Variants in THSD7A observed in about 807,000 individuals in gnomAD.
The protein encoded by THSD7A is thrombospondin type-1 domain-containing protein 7A.
THSD7A carries 96 observed loss-of-function variants against 231.3 expected under a neutral mutation model. The observed-to-expected ratio is 0.41, with a 90% CI of 0.35 to 0.49. The LOEUF (loss-of-function observed/expected upper bound fraction) is 0.49, where lower values mean the gene tolerates loss of function less well. Ranked by LOEUF, THSD7A falls within the 20% of genes least tolerant of loss-of-function variation. THSD7A has a pLI of 0.05. For missense variants in THSD7A, 2,290 were observed against 2,070.2 expected (o/e 1.11, Z -2.06); for synonymous variants, 940 against 743.3 (o/e 1.26, Z -4.30).
At chr7:11,476,167 T>A (rs758187995) in intron 7 of THSD7A, among the ~76,000 whole-genome samples, 117 of 152,114 alleles carry the variant, frequency 7.7e-4, no homozygotes, top group Non-Finnish European at 2.8e-4. Context: ...GGCTTAAGTA[T>A]TAAAATGTTG....
chr7:11,828,382 T>C lies in THSD7A; in HGVS notation c.190+3375A>G, dbSNP rs1392757525. On this transcript the variant is annotated intron_variant, in intron 1 of 27. Transcript: ENST00000423059. ...CTGCTTAGAATGGCCTTCTACTCCTTCCTCAGTCAAAATCCACCTCATCCT... is the reference window on the plus strand; with the variant it reads ...CTGCTTAGAATGGCCTTCTACTCCTCCCTCAGTCAAAATCCACCTCATCCT... Among the ~76,000 whole-genome samples the C allele has an allele frequency of 6.6e-5, 10 of 152,268 alleles. No homozygotes were observed. In the South Asian group the frequency reaches 1.7e-3, roughly 25 times the overall value.
At chr7:11,676,022 T>A (rs1783623778) in intron 1 of THSD7A, among the ~76,000 whole-genome samples, 2 of 152,166 alleles carry the variant, frequency 1.3e-5, no homozygotes, top group Non-Finnish European at 2.9e-5. Context: ...GAGCCCTGGC[T>A]GGAATCTGGC....
chr7:11,401,406 T>C (rs1411195530), intron 23 of THSD7A, among the ~76,000 whole-genome samples: 4 of 152,136 alleles, frequency 2.6e-5, no homozygotes, highest in Non-Finnish European at 5.9e-5. Context: ...TCTGAGTAAA[T>C]TTTTAAATTA....
intron 1 of THSD7A, among the ~76,000 whole-genome samples, chr7:11,757,545 G>T (rs1272028763): frequency 6.6e-6 from 1 of 151,920 alleles, no homozygotes; most frequent in Non-Finnish European, 1.5e-5. Context: ...CTTAAATTCA[G>T]ATCTTCTGGA....
chr7:11,751,756 T>TA lies in THSD7A; in HGVS notation c.190+80000dup, dbSNP rs796807730. ...AGCCTTAAGTAATTGTTGCACCGTTTAAAAAAAAAAACTTTCTGCTCTTTG... is the reference window on the plus strand; with the variant it reads ...AGCCTTAAGTAATTGTTGCACCGTTTAAAAAAAAAAAACTTTCTGCTCTTTG... On this transcript the variant is annotated intron_variant, in intron 1 of 27. Transcript: ENST00000423059. Among the ~76,000 whole-genome samples, 1,214 of 147,078 alleles carry TA rather than the reference T, an allele frequency of 8.3e-3. 16 individuals carry two copies. The highest frequency in any genetic ancestry group is 0.025 in the African/African-American group (1,020 of 40,412).
At position 11,370,379 on chromosome 7, in the gene THSD7A, A is replaced by T. The variant is rs1391476020; in HGVS notation, c.*5415T>A. 2.6e-5 allele frequency: 4 copies of T among 152,220 alleles called. No homozygotes were observed. The highest frequency in any genetic ancestry group is 4.8e-5 in the African/African-American group (2 of 41,472). The allele number at this position is 152,220 out of a possible 1,614,324, so 9.4% of individuals were successfully genotyped here. On this transcript the variant is annotated 3_prime_UTR_variant, in exon 28 of 28. Transcript: ENST00000423059. The stretch of plus-strand genomic sequence containing the variant: ...GGATTTAGGTATTCACTGGAAAAAA[A>T]TTTTAATCCATATTTAAGAAGCAAT...
Position 11,403,705 on chromosome 7 carries a change from AATG to A in THSD7A, c.4238-1740_4238-1738del, listed in dbSNP as rs1783488129. Among the ~76,000 whole-genome samples, 2 of 152,214 alleles carry A rather than the reference AATG, an allele frequency of 1.3e-5. 1 individual carries two copies. The highest frequency in any genetic ancestry group is 4.1e-4 in the South Asian group (2 of 4,834). On this transcript the variant is annotated intron_variant, in intron 22 of 27. Coordinates refer to ENST00000423059, the MANE Select transcript of THSD7A (RefSeq NM_015204.3). ...TGCAACAAAATGTAATAAATCTTTTAATGATAGTCTGTGAGTTATGTAATTTTC... is the reference window on the plus strand; with the variant it reads ...TGCAACAAAATGTAATAAATCTTTTAATAGTCTGTGAGTTATGTAATTTTC...
chr7:11,631,070 C>T (rs1032273133), intron 2 of THSD7A, among the ~76,000 whole-genome samples: 4 of 152,186 alleles, frequency 2.6e-5, no homozygotes, highest in African/African-American at 9.6e-5. Context: ...GGGTGGGGAA[C>T]TGGCTCTTAA....
chr7:11,378,947 T>C, intron 26 of THSD7A, 123 bp downstream of exon 26: 1 of 850,736 alleles, frequency 1.2e-6, no homozygotes, highest in Non-Finnish European at 1.8e-6. Flanking sequence ...ACTATCAGAA[T>C]AAATGCATGT....
At chr7:11,385,812 GC>G (rs1287473726) in intron 23 of THSD7A, 1 of 152,092 alleles carries the variant, frequency 6.6e-6, no homozygotes, top group Admixed American at 6.6e-5. Flanking sequence ...GTGGTTTGCT[GC>G]ACCCATCAAC....
In THSD7A at chr7:11,541,412, G is replaced by A. The variant is rs1789140875; in HGVS notation, c.1822+7C>T. ...CCATAAAAACATAATAGATACGTCT[G>A]TCTTACCATCACTGTTGATGCACAC... On this transcript the variant is annotated splice_region_variant and intron_variant, in intron 6 of 27. Transcript: ENST00000423059. 6.2e-7 allele frequency: 1 copy of A among 1,613,612 alleles called. No individual in the cohort carries two copies.
rs79839582 is a variant in THSD7A at position 11,508,861 on chromosome 7, G to A, written c.1823-26879C>T. Among the ~76,000 whole-genome samples, 8 of 152,264 alleles carry A rather than the reference G, an allele frequency of 5.3e-5. No individual in the cohort carries two copies. The East Asian group carries it at 9.6e-4, about 18-fold the overall frequency. On this transcript the variant is annotated intron_variant, in intron 6 of 27. Coordinates refer to ENST00000423059, the MANE Select transcript of THSD7A (RefSeq NM_015204.3). Reference sequence around the variant, plus strand: ...AGTCACAGCAATATGAATACTGCACGATTCCACTTATATGAGATATATAAA... The same window carrying A: ...AGTCACAGCAATATGAATACTGCACAATTCCACTTATATGAGATATATAAA...
chr7:11,710,100 A>T lies in THSD7A; in HGVS notation c.191-73139T>A, dbSNP rs187101857. Among the ~76,000 whole-genome samples the T allele has an allele frequency of 4.1e-3, 616 of 149,794 alleles. 3 individuals are homozygous for T. Among genetic ancestry groups the T allele is most frequent in the African/African-American group, 0.013 (531 of 41,226 alleles). ...GATAGAATAAATGCTATTTTTTTTT[A>T]AAAAATGAGGATTCTGTTATATGCA... On this transcript the variant is annotated intron_variant, in intron 1 of 27. Coordinates refer to ENST00000423059, the MANE Select transcript of THSD7A (RefSeq NM_015204.3).
At chr7:11,656,809 T>C (rs1030068061) in intron 1 of THSD7A, among the ~76,000 whole-genome samples, 2 of 151,846 alleles carry the variant, frequency 1.3e-5, no homozygotes, top group Admixed American at 6.6e-5. Context: ...AGTCGGAAGG[T>C]GGGTTTGTAG....
At chr7:11,646,585 A>C (rs1782290928) in intron 1 of THSD7A, among the ~76,000 whole-genome samples, 1 of 152,020 alleles carries the variant, frequency 6.6e-6, no homozygotes, top group Non-Finnish European at 1.5e-5. Context: ...AAAACTTTTT[A>C]CCCATTTCAG....
intron 11 of THSD7A, among the ~76,000 whole-genome samples, chr7:11,456,243 G>A (rs1221910859): frequency 6.6e-6 from 1 of 151,934 alleles, no homozygotes; most frequent in Non-Finnish European, 1.5e-5. Flanking sequence ...CTAGACAAGG[G>A]AATTTTGAAG....
At chr7:11,800,654 AT>A (rs1784249225) in intron 1 of THSD7A, among the ~76,000 whole-genome samples, 2 of 152,366 alleles carry the variant, frequency 1.3e-5, no homozygotes, top group Admixed American at 6.5e-5. Flanking sequence ...GTATGATTCC[AT>A]TTATACAAGG....
intron 1 of THSD7A, among the ~76,000 whole-genome samples, chr7:11,772,124 C>G (rs904448910): frequency 2.0e-5 from 3 of 152,040 alleles, no homozygotes; most frequent in African/African-American, 7.2e-5. Context: ...GACTAATACT[C>G]TAATCGTTAG....
At chr7:11,506,765 T>A (rs531011505) in intron 6 of THSD7A, among the ~76,000 whole-genome samples, 19 of 152,334 alleles carry the variant, frequency 1.2e-4, no homozygotes, top group African/African-American at 4.6e-4. Context: ...ATTTGCTTAT[T>A]CTGGGAATTC....
Sources: gnomAD v4.1 joint callset for allele counts (sites outside exome capture counted in the v4.1 genomes callset) on GRCh38, gnomAD v4.1.1 for gene constraint, MANE v1.5 for transcripts, NCBI Gene and HGNC (gene_info 2026-07-23, HGNC 2026-07-21) for gene names.